Variants in CEP70 observed in about 807,000 individuals in gnomAD.
The protein encoded by CEP70 is centrosomal protein of 70 kDa.
A neutral mutation model predicts 90.9 loss-of-function variants in CEP70; 70 were observed. That is an observed-to-expected ratio of 0.77 (90% CI 0.64 to 0.94). CEP70 has a LOEUF of 0.94. Among genes scored for constraint, CEP70 ranks in the 40% least tolerant of loss-of-function variants. The pLI, the probability that CEP70 is intolerant of heterozygous loss-of-function variation, is 0.00. For missense variants in CEP70, 648 were observed against 669.0 expected (o/e 0.97, Z 0.35); for synonymous variants, 220 against 228.3 (o/e 0.96, Z 0.33).
chr3:138,569,565 A>G (rs2041021958), intron 6 of CEP70, among the ~76,000 whole-genome samples: 1 of 152,168 alleles, frequency 6.6e-6, no homozygotes. Context: ...TCAGTTTTAG[A>G]CATAAAAAGT....
chr3:138,516,249 T>G (rs1437633064), intron 11 of CEP70, among the ~76,000 whole-genome samples: 2 of 152,214 alleles, frequency 1.3e-5, no homozygotes, highest in African/African-American at 4.8e-5. Flanking sequence ...CAAACAGATG[T>G]AAGAAGAACT....
intron 1 of CEP70, 90 bp from the exon 2 acceptor site, chr3:138,592,046 C>T (rs1361149379): frequency 7.2e-6 from 4 of 554,362 alleles, no homozygotes; most frequent in Non-Finnish European, 1.3e-5. Flanking sequence ...AGCAGGCATC[C>T]AAGGTACTGG....
chr3:138,564,946 C>T (rs2040678637), intron 6 of CEP70, among the ~76,000 whole-genome samples: 1 of 152,152 alleles, frequency 6.6e-6, no homozygotes, highest in Non-Finnish European at 1.5e-5. Context: ...ATTTAGAAAA[C>T]CCCATTGTCT....
chr3:138,531,874 T>C (rs553500898), intron 8 of CEP70, among the ~76,000 whole-genome samples: 20 of 152,168 alleles, frequency 1.3e-4, no homozygotes, highest in Non-Finnish European at 2.2e-4. Context: ...TATGGGATCC[T>C]AATTACTTAG....
intron 10 of CEP70, among the ~76,000 whole-genome samples, chr3:138,526,146 A>G (rs571984208): frequency 1.3e-5 from 2 of 152,144 alleles, no homozygotes; most frequent in East Asian, 1.9e-4. Flanking sequence ...CCATTAAGGT[A>G]TAAGTTTTTT....
intron 6 of CEP70, among the ~76,000 whole-genome samples, chr3:138,558,483 T>C (rs1036583617): frequency 2.0e-5 from 3 of 152,190 alleles, no homozygotes; most frequent in Non-Finnish European, 4.4e-5. Context: ...TGACCAAAGA[T>C]ATTTTTTCTT....
intron 2 of CEP70, among the ~76,000 whole-genome samples, chr3:138,582,718 CA>C (rs1357005160): frequency 1.3e-5 from 2 of 149,148 alleles, no homozygotes; most frequent in African/African-American, 4.9e-5. Context: ...GAGCCATAAT[CA>C]TGCCACTGCA....
chr3:138,570,451 C>A lies in CEP70; in HGVS notation c.332G>T (p.Arg111Leu). The A allele has an allele frequency of 1.2e-6, 2 of 1,609,054 alleles. No individual in the cohort carries two copies. The highest frequency in any genetic ancestry group is 2.2e-5 in the South Asian group (2 of 89,824). Residue 111 changes from arginine to leucine, a missense_variant, in exon 6 of 18, where the codon CGA becomes CTA. Arg to Leu is a moderately radical substitution (Grantham distance 102, BLOSUM62 -2). Transcript: ENST00000264982. ...EQSRAANQEQ[R>L]ANDLEQIMES... ...CATAATTTGTTCCAAGTCATTAGCT[C>A]GTTGTTCTTGATTGGCTGCTCGGCT...
chr3:138,495,105 G>C (rs756930474), intron 17 of CEP70, 29 bp from the exon 18 acceptor site: 27 of 1,378,780 alleles, frequency 2.0e-5, no homozygotes, highest in Non-Finnish European at 2.6e-5. Context: ...AATAATAAAA[G>C]AGAGTAACTT....
chr3:138,592,071 G>A (rs2042410421), intron 1 of CEP70, 115 bp from the exon 2 acceptor site: 3 of 517,498 alleles, frequency 5.8e-6, no homozygotes, highest in African/African-American at 2.0e-5. Flanking sequence ...CACAGATAAA[G>A]CAGGCACAAC....
chr3:138,514,627 T>C (rs2035838026), intron 11 of CEP70, among the ~76,000 whole-genome samples: 1 of 152,042 alleles, frequency 6.6e-6, no homozygotes, highest in African/African-American at 2.4e-5. Context: ...GTTTTTAAAG[T>C]TTCTTTAATT....
chr3:138,561,164 C>G (rs1433149699), intron 6 of CEP70, among the ~76,000 whole-genome samples: 2 of 152,092 alleles, frequency 1.3e-5, no homozygotes, highest in African/African-American at 4.8e-5. Flanking sequence ...CTGGCAGGTG[C>G]TCCTCTGGGA....
chr3:138,572,661 G>A (rs543069632), intron 3 of CEP70, among the ~76,000 whole-genome samples, 198 bp downstream of exon 3: 1 of 152,258 alleles, frequency 6.6e-6, no homozygotes, highest in East Asian at 1.9e-4. Flanking sequence ...TGTATGAAAT[G>A]CTGTATACTA....
chr3:138,497,922 TTCCAA>T lies in CEP70; in HGVS notation c.1732+104_1732+108del, dbSNP rs201584232. ...ATGTGTTTCCAGAACTGTTAGTGGT[TTCCAA>T]CCACTAGGTAAAAATACTAATCCAG... On this transcript the variant is annotated intron_variant, in intron 17 of 17. Transcript: ENST00000264982. 574 of 1,524,318 alleles carry T rather than the reference TTCCAA, an allele frequency of 3.8e-4. 5 individuals are homozygous for T. The East Asian group carries it at 0.011, about 30-fold the overall frequency. The allele number at this position is 1,524,318 out of a possible 1,614,324, so 94.4% of individuals were successfully genotyped here.
chr3:138,582,238 C>T (rs542636951), intron 2 of CEP70, among the ~76,000 whole-genome samples: 98 of 152,204 alleles, frequency 6.4e-4, no homozygotes, highest in African/African-American at 2.3e-3. Flanking sequence ...CTTTGGGAGG[C>T]CGAGATGGGT....
At chr3:138,514,218 T>A (rs777048053) in intron 11 of CEP70, among the ~76,000 whole-genome samples, 7 of 152,206 alleles carry the variant, frequency 4.6e-5, no homozygotes, top group Admixed American at 1.3e-4. Flanking sequence ...CCTGTCTCTG[T>A]TGGAATTTCG....
chr3:138,559,308 T>G (rs1214800220), intron 6 of CEP70, among the ~76,000 whole-genome samples: 1 of 152,116 alleles, frequency 6.6e-6, no homozygotes, highest in African/African-American at 2.4e-5. Flanking sequence ...GAAACAATAT[T>G]TGAAGACATA....
At chr3:138,563,141 A>G (rs1398523267) in intron 6 of CEP70, among the ~76,000 whole-genome samples, 1 of 152,202 alleles carries the variant, frequency 6.6e-6, no homozygotes, top group Non-Finnish European at 1.5e-5. Flanking sequence ...CAGTGCAACA[A>G]GAGCTAACTA....
chr3:138,589,167 A>T (rs973097932), intron 2 of CEP70, among the ~76,000 whole-genome samples: 4 of 152,128 alleles, frequency 2.6e-5, no homozygotes, highest in African/African-American at 9.7e-5. Flanking sequence ...GTAAGTCAAA[A>T]CTTATACTAC....
Sources: gnomAD v4.1 joint callset for allele counts (sites outside exome capture counted in the v4.1 genomes callset) on GRCh38, gnomAD v4.1.1 for gene constraint, MANE v1.5 for transcripts, NCBI Gene and HGNC (gene_info 2026-07-23, HGNC 2026-07-21) for gene names.